Variants in REL observed in about 807,000 individuals in gnomAD.
REL encodes REL proto-oncogene, NF-kB subunit.
REL carries 15 observed loss-of-function variants against 45.9 expected under a neutral mutation model. The ratio of observed to expected loss-of-function variants is 0.33; its 90% CI spans 0.22 to 0.50. The LOEUF (loss-of-function observed/expected upper bound fraction) is 0.50, where lower values mean the gene tolerates loss of function less well. Ranked by LOEUF, REL falls within the 20% of genes least tolerant of loss-of-function variation. The pLI is 0.98. For synonymous variants in REL, 239 were observed against 242.1 expected (o/e 0.99, Z 0.12); for missense variants, 601 against 715.2 (o/e 0.84, Z 1.82).
At chr2:60,896,438 G>A (rs187376739) in intron 3 of REL, among the ~76,000 whole-genome samples, 36 of 152,224 alleles carry the variant, frequency 2.4e-4, no homozygotes, top group Non-Finnish European at 1.3e-4. Flanking sequence ...GGGTAAGATT[G>A]TAGGGTTTTA....
chr2:60,923,074 T>C lies in REL; in HGVS notation c.*539T>C, dbSNP rs1674188609. 5.7e-6 allele frequency: 1 copy of C among 176,896 alleles called. No individual in the cohort carries two copies. Among genetic ancestry groups the C allele is most frequent in the Non-Finnish European group, 1.2e-5 (1 of 82,344 alleles). The allele number at this position is 176,896 out of a possible 1,614,324, so 11.0% of individuals were successfully genotyped here. A position where few individuals can be genotyped will look rare whatever the true frequency, so the allele number is the denominator to read the frequency against. On this transcript the variant is annotated 3_prime_UTR_variant, in exon 10 of 10. Transcript: ENST00000394479. ...AAAAAAAACAAAAAAAACACACTTTTTTATATTTCTTTTTATAATGTTTTA... is the reference window on the plus strand; with the variant it reads ...AAAAAAAACAAAAAAAACACACTTTCTTATATTTCTTTTTATAATGTTTTA...
In REL at chr2:60,930,361, A is replaced by G. The variant is rs1180130905; in HGVS notation, c.*7826A>G. ...TAGGTTCTTTAGTAAGAAACCTGAG[A>G]TGGACTTCTCATTAGCATTAACTAG... On this transcript the variant is annotated 3_prime_UTR_variant, in exon 10 of 10. Transcript: ENST00000394479. 6.6e-6 allele frequency: 1 copy of G among 152,354 alleles called. No homozygotes were observed. Among genetic ancestry groups the G allele is most frequent in the East Asian group, 1.9e-4 (1 of 5,344 alleles). 9.4% of individuals were successfully genotyped at this position (152,354 alleles called of 1,614,324 possible).
At chr2:60,920,297 G>T in intron 8 of REL, 188 bp downstream of exon 8, 1 of 617,214 alleles carries the variant, frequency 1.6e-6, no homozygotes, top group East Asian at 2.8e-5. Flanking sequence ...TGCCCCCCAG[G>T]TTCAACAATT....
intron 4 of REL, among the ~76,000 whole-genome samples, chr2:60,907,104 G>A (rs955807573): frequency 2.0e-5 from 3 of 150,998 alleles, no homozygotes; most frequent in Non-Finnish European, 4.4e-5. Flanking sequence ...TGTATTTTTA[G>A]TAGAGATGGG....
At chr2:60,907,242 A>G (rs1573332413) in intron 4 of REL, among the ~76,000 whole-genome samples, 1 of 152,012 alleles carries the variant, frequency 6.6e-6, no homozygotes, top group Non-Finnish European at 1.5e-5. Flanking sequence ...TATTTCTAAT[A>G]TGGTTTGCTA....
intron 3 of REL, among the ~76,000 whole-genome samples, chr2:60,898,311 T>C (rs1415934741): frequency 6.6e-6 from 1 of 152,252 alleles, no homozygotes; most frequent in African/African-American, 2.4e-5. Flanking sequence ...ACAGCATTCC[T>C]TCTATATAGC....
rs1573356089 is a variant in REL at position 60,931,017 on chromosome 2, T to C, written c.*8482T>C. On this transcript the variant is annotated 3_prime_UTR_variant, in exon 10 of 10. Coordinates refer to ENST00000394479, the MANE Select transcript of REL (RefSeq NM_001291746.2). ...AAACATTCATCTTGCCCATTTTTCC[T>C]CTTAAACTTTATTATCTAATCAAAC... 6.6e-6 allele frequency: 1 copy of C among 152,508 alleles called. No homozygotes were observed. The highest frequency in any genetic ancestry group is 2.1e-4 in the South Asian group (1 of 4,832). 9.4% of individuals were successfully genotyped at this position (152,508 alleles called of 1,614,324 possible). A position where few individuals can be genotyped will look rare whatever the true frequency, so the allele number is the denominator to read the frequency against.
At chr2:60,903,540 A>G (rs1673555078) in intron 4 of REL, among the ~76,000 whole-genome samples, 1 of 146,146 alleles carries the variant, frequency 6.8e-6, no homozygotes, top group Non-Finnish European at 1.5e-5. Flanking sequence ...TGCCCAGCTA[A>G]TTTTTTTTTT....
At chr2:60,910,401 CTTGCAG>C in intron 4 of REL, among the ~76,000 whole-genome samples, 1 of 148,854 alleles carries the variant, frequency 6.7e-6, no homozygotes, top group Admixed American at 6.7e-5. Flanking sequence ...GGAGGCGGAG[CTTGCAG>C]GGAGCCAAGC....
intron 1 of REL, among the ~76,000 whole-genome samples, chr2:60,886,063 T>G (rs994222287): frequency 2.0e-5 from 3 of 152,210 alleles, no homozygotes; most frequent in African/African-American, 7.2e-5. Context: ...TACCTGAATT[T>G]TTAGATTACT....
intron 2 of REL, 89 bp downstream of exon 2, chr2:60,891,914 A>G: frequency 8.0e-7 from 1 of 1,244,912 alleles, no homozygotes; most frequent in Non-Finnish European, 1.1e-6. Flanking sequence ...GTTTCTTCAC[A>G]GTCATCTCCA....
rs919512866 is a variant in REL, at chr2:60,927,144, T to C, written c.*4609T>C. On this transcript the variant is annotated 3_prime_UTR_variant, in exon 10 of 10. Coordinates refer to ENST00000394479, the MANE Select transcript of REL (RefSeq NM_001291746.2). Reference sequence around the variant, plus strand: ...ATTTAAGTGTTTGTCTCTTTCGTCATTGGGACTCCAGCACCCAGCATAGTC... The same window carrying C: ...ATTTAAGTGTTTGTCTCTTTCGTCACTGGGACTCCAGCACCCAGCATAGTC... The C allele has an allele frequency of 1.8e-5, 4 of 225,108 alleles. No individual in the cohort carries two copies. The highest frequency in any genetic ancestry group is 6.7e-5 in the African/African-American group (3 of 44,870). The allele number at this position is 225,108 out of a possible 1,614,324, so 13.9% of individuals were successfully genotyped here. A position where few individuals can be genotyped will look rare whatever the true frequency, so the allele number is the denominator to read the frequency against.
intron 4 of REL, among the ~76,000 whole-genome samples, chr2:60,912,250 T>G (rs2103969685): frequency 6.6e-6 from 1 of 152,260 alleles, no homozygotes; most frequent in Non-Finnish European, 1.5e-5. Flanking sequence ...GACCCTGAAC[T>G]GGAATAATTG....
At chr2:60,903,313 C>T (rs1673546986) in intron 4 of REL, among the ~76,000 whole-genome samples, 1 of 152,172 alleles carries the variant, frequency 6.6e-6, no homozygotes, top group African/African-American at 2.4e-5. Flanking sequence ...TATGCAGGTT[C>T]CTTGACTCCA....
intron 2 of REL, 122 bp downstream of exon 2, chr2:60,891,947 C>T: frequency 4.0e-6 from 4 of 1,009,604 alleles, no homozygotes; most frequent in Admixed American, 3.1e-5. Context: ...TTTCTTTTTT[C>T]CTTTTTTTTT....
At position 60,894,555 on chromosome 2, in the gene REL, C is replaced by G. The variant is rs1673299875; in HGVS notation, c.302+10C>G. 1.3e-6 allele frequency: 2 copies of G among 1,540,180 alleles called. No homozygotes were observed. The highest frequency in any genetic ancestry group is 1.8e-6 in the Non-Finnish European group (2 of 1,141,184). On this transcript the variant is annotated intron_variant, in intron 3 of 9. Coordinates refer to ENST00000394479, the MANE Select transcript of REL (RefSeq NM_001291746.2). ...AACGCAGACCTTTGTTGTAAGTACA[C>G]AGTTACAGACATCTTCAGAAATAAG...
chr2:60,908,727 A>G (rs943355041), intron 4 of REL, among the ~76,000 whole-genome samples: 1 of 152,254 alleles, frequency 6.6e-6, no homozygotes, highest in Non-Finnish European at 1.5e-5. Context: ...ATTTTGTGCA[A>G]TAAAATTGAT....
In REL at chr2:60,930,452, C is replaced by G. The variant is rs1160187048; in HGVS notation, c.*7917C>G. The G allele has an allele frequency of 1.3e-5, 2 of 152,274 alleles. No homozygotes were observed. Among genetic ancestry groups the G allele is most frequent in the Non-Finnish European group, 2.9e-5 (2 of 68,028 alleles). The allele number at this position is 152,274 out of a possible 1,614,324, so 9.4% of individuals were successfully genotyped here. ...TTATTATAAGCCCAGAAATAGGTGACTAATCAGAGATAAATGTATGGGTTG... is the reference window on the plus strand; with the variant it reads ...TTATTATAAGCCCAGAAATAGGTGAGTAATCAGAGATAAATGTATGGGTTG... On this transcript the variant is annotated 3_prime_UTR_variant, in exon 10 of 10. Coordinates refer to ENST00000394479, the MANE Select transcript of REL (RefSeq NM_001291746.2).
intron 4 of REL, among the ~76,000 whole-genome samples, chr2:60,903,093 C>G (rs1404964731): frequency 6.6e-6 from 1 of 152,102 alleles, no homozygotes; most frequent in Non-Finnish European, 1.5e-5. Flanking sequence ...GCAGGTAAGT[C>G]TAGATGCAAT....
Sources: allele counts gnomAD v4.1 joint callset (sites outside exome capture counted in the v4.1 genomes callset), GRCh38; gene constraint gnomAD v4.1.1; transcripts MANE v1.5; gene names NCBI Gene and HGNC (gene_info 2026-07-23, HGNC 2026-07-21).